Variants in CPA6 observed in about 807,000 individuals in gnomAD.
CPA6 encodes carboxypeptidase B.
Under a neutral mutation model 63.3 loss-of-function variants are expected in CPA6, and 58 were observed. That is an observed-to-expected ratio of 0.92 (90% CI 0.74 to 1.14). CPA6 has a LOEUF of 1.14. Among genes scored for constraint, CPA6 ranks in the 50% most tolerant of loss-of-function variants. The pLI, the probability that CPA6 is intolerant of heterozygous loss-of-function variation, is 0.00. For synonymous variants in CPA6, 185 were observed against 179.0 expected, an observed-to-expected ratio of 1.03 and a Z score of -0.27; for missense variants, 565 against 526.6, an observed-to-expected ratio of 1.07 and a Z score of -0.71.
At chr8:67,461,421 C>T (rs1810803197) in intron 8 of CPA6, among the ~76,000 whole-genome samples, 1 of 149,972 alleles carries the variant, frequency 6.7e-6, no homozygotes, top group Admixed American at 6.7e-5. Flanking sequence ...AAGAATTTAT[C>T]TTAGTACAGA....
At chr8:67,573,052 G>A (rs1813526475) in intron 2 of CPA6, among the ~76,000 whole-genome samples, 1 of 152,140 alleles carries the variant, frequency 6.6e-6, no homozygotes. Flanking sequence ...TGCAAAAAAT[G>A]CATTTGACAA....
At chr8:67,491,879 C>T (rs935489363) in intron 6 of CPA6, among the ~76,000 whole-genome samples, 4 of 152,130 alleles carry the variant, frequency 2.6e-5, no homozygotes, top group African/African-American at 7.2e-5. Flanking sequence ...GACCTGTGAT[C>T]GATTCTACTA....
At chr8:67,541,099 A>C (rs1173828741) in intron 2 of CPA6, among the ~76,000 whole-genome samples, 1 of 151,088 alleles carries the variant, frequency 6.6e-6, no homozygotes, top group Admixed American at 6.6e-5. Context: ...AAAAAAAAAA[A>C]CTCCTGCAGC....
intron 1 of CPA6, among the ~76,000 whole-genome samples, chr8:67,712,117 G>A (rs1317218729): frequency 6.6e-6 from 1 of 152,138 alleles, no homozygotes. Context: ...AGGAGGGATG[G>A]CTCAGCCCCA....
chr8:67,710,169 A>G (rs1817224988), intron 1 of CPA6, among the ~76,000 whole-genome samples: 1 of 152,210 alleles, frequency 6.6e-6, no homozygotes, highest in Non-Finnish European at 1.5e-5. Flanking sequence ...GCTTTGTCTA[A>G]AAACTTGAAA....
chr8:67,741,924 C>T (rs896978577), intron 1 of CPA6, among the ~76,000 whole-genome samples: 1 of 152,100 alleles, frequency 6.6e-6, no homozygotes, highest in African/African-American at 2.4e-5. Context: ...AAAACCAGTC[C>T]CTGTTGCCAA....
chr8:67,608,811 T>C (rs891222419), intron 2 of CPA6, among the ~76,000 whole-genome samples: 7 of 152,170 alleles, frequency 4.6e-5, no homozygotes, highest in African/African-American at 7.2e-5. Context: ...AGCCACCCCC[T>C]TTGTGAGGAG....
At chr8:67,449,249 C>CA (rs1810501871) in intron 8 of CPA6, among the ~76,000 whole-genome samples, 2 of 152,076 alleles carry the variant, frequency 1.3e-5, no homozygotes, top group Non-Finnish European at 1.5e-5. Flanking sequence ...GAGACTGTCT[C>CA]AAAAAAGCAA....
intron 2 of CPA6, among the ~76,000 whole-genome samples, chr8:67,556,256 A>G (rs1813058141): frequency 6.6e-6 from 1 of 152,172 alleles, no homozygotes; most frequent in Non-Finnish European, 1.5e-5. Context: ...TTTAGGAAAG[A>G]GTGTTGCCAC....
At chr8:67,632,485 AT>A (rs896477672) in intron 1 of CPA6, among the ~76,000 whole-genome samples, 31 of 151,746 alleles carry the variant, frequency 2.0e-4, no homozygotes, top group African/African-American at 6.8e-4. Context: ...TTAAAAAAAA[AT>A]TTTTTTTAGA....
At chr8:67,726,836 T>A (rs1045921156) in intron 1 of CPA6, among the ~76,000 whole-genome samples, 2 of 152,232 alleles carry the variant, frequency 1.3e-5, no homozygotes, top group Non-Finnish European at 2.9e-5. Flanking sequence ...GGCCATTTAA[T>A]GCTTCATTGG....
chr8:67,558,152 T>G (rs1223219267), intron 2 of CPA6, among the ~76,000 whole-genome samples: 1 of 152,242 alleles, frequency 6.6e-6, no homozygotes, highest in Admixed American at 6.5e-5. Context: ...CAAATTCGCC[T>G]TCACACTTGC....
intron 8 of CPA6, among the ~76,000 whole-genome samples, chr8:67,462,997 T>G (rs1810847303): frequency 6.6e-6 from 1 of 152,238 alleles, no homozygotes; most frequent in South Asian, 2.1e-4. Flanking sequence ...AACAAGATTT[T>G]ACATTTAAAT....
chr8:67,590,846 T>C (rs1814101804), intron 2 of CPA6, among the ~76,000 whole-genome samples: 1 of 151,806 alleles, frequency 6.6e-6, no homozygotes, highest in African/African-American at 2.4e-5. Context: ...GCCTGTTCAC[T>C]CTGATGGTAG....
At chr8:67,506,099 G>A (rs548323714) in intron 6 of CPA6, among the ~76,000 whole-genome samples, 1 of 151,724 alleles carries the variant, frequency 6.6e-6, no homozygotes, top group South Asian at 2.1e-4. Flanking sequence ...TCTTGACAAT[G>A]AATAGAAAAG....
intron 1 of CPA6, among the ~76,000 whole-genome samples, chr8:67,678,629 T>C (rs551888023): frequency 2.0e-5 from 3 of 152,336 alleles, no homozygotes; most frequent in South Asian, 4.1e-4. Context: ...TACCATGAAT[T>C]AGTTAAGTTG....
chr8:67,600,250 T>C (rs1394449964), intron 2 of CPA6, among the ~76,000 whole-genome samples: 1 of 149,432 alleles, frequency 6.7e-6, no homozygotes, highest in Non-Finnish European at 1.5e-5. Flanking sequence ...TTAAGTGAAA[T>C]AAGCCAGGCA....
At chr8:67,698,819 C>A (rs779772535) in intron 1 of CPA6, among the ~76,000 whole-genome samples, 4 of 152,184 alleles carry the variant, frequency 2.6e-5, no homozygotes, top group Non-Finnish European at 5.9e-5. Flanking sequence ...ACTGATATCA[C>A]AATGAAATTA....
intron 2 of CPA6, among the ~76,000 whole-genome samples, chr8:67,572,704 G>A (rs1363748666): frequency 2.0e-5 from 3 of 152,064 alleles, no homozygotes; most frequent in Non-Finnish European, 4.4e-5. Flanking sequence ...TCTACCAAAC[G>A]TTTAAATAAA....
Sources: gnomAD v4.1 joint callset for allele counts (sites outside exome capture counted in the v4.1 genomes callset) on GRCh38, gnomAD v4.1.1 for gene constraint, MANE v1.5 for transcripts, NCBI Gene and HGNC (gene_info 2026-07-23, HGNC 2026-07-21) for gene names.